MYO7A: variants seen among roughly 807,000 people sequenced by gnomAD.
MYO7A encodes unconventional myosin-VIIa.
A neutral mutation model predicts 263.8 loss-of-function variants in MYO7A; 210 were observed. The ratio of observed to expected loss-of-function variants is 0.80; its 90% CI spans 0.71 to 0.89. MYO7A has a LOEUF of 0.89. Among genes scored for constraint, MYO7A ranks in the 40% least tolerant of loss-of-function variants. The pLI, the probability that MYO7A is intolerant of heterozygous loss-of-function variation, is 0.00. For missense variants in MYO7A, 2,820 were observed against 2,968.3 expected (o/e 0.95, Z 1.16); for synonymous variants, 1,239 against 1,197.3 (o/e 1.03, Z -0.72).
chr11:77,202,951 T>G, intron 37 of MYO7A, 109 bp from the exon 38 acceptor site: 1 of 1,369,662 alleles, frequency 7.3e-7, no homozygotes, highest in Non-Finnish European at 9.7e-7. Flanking sequence ...GTGCCCACTC[T>G]CAGCCTCTGG....
chr11:77,162,318 C>A lies in MYO7A; in HGVS notation c.1542C>A (p.Ser514Arg). 1 of 1,551,644 alleles carries A rather than the reference C, an allele frequency of 6.4e-7. No homozygotes were observed. The highest frequency in any genetic ancestry group is 8.7e-7 in the Non-Finnish European group (1 of 1,147,032). ...TCATCTCCCTCATCGATGAGGAGAG[C>A]AAGTTCCCCAAGGTGGGCCGGTCCT... is the stretch of plus-strand genomic sequence containing the variant. The part of the protein sequence containing the change: ...MNIISLIDEE[S>R]KFPKGTDTTM... Residue 514 changes from serine to arginine, a missense_variant, in exon 13 of 49, where the codon AGC becomes AGA. Coordinates refer to ENST00000409709, the MANE Select transcript of MYO7A (RefSeq NM_000260.4).
chr11:77,175,615 CCT>C (rs1954583521), intron 18 of MYO7A, among the ~76,000 whole-genome samples, 151 bp downstream of exon 18: 1 of 152,122 alleles, frequency 6.6e-6, no homozygotes, highest in African/African-American at 2.4e-5. Context: ...TGGGATCTGG[CCT>C]CTCTGGTGGG....
chr11:77,173,489 C>T (rs1333074291), intron 16 of MYO7A, among the ~76,000 whole-genome samples: 3 of 152,206 alleles, frequency 2.0e-5, no homozygotes, highest in Admixed American at 6.5e-5. Flanking sequence ...TCAAACAGCC[C>T]GTGAGAAAGG....
At chr11:77,202,135 C>A (rs1175666506) in intron 36 of MYO7A, among the ~76,000 whole-genome samples, 165 bp from the exon 37 acceptor site, 2 of 152,128 alleles carry the variant, frequency 1.3e-5, no homozygotes, top group African/African-American at 4.8e-5. Flanking sequence ...CAGCAGGGAC[C>A]TCAGAGACCC....
chr11:77,196,020 G>A (rs1024176949), intron 32 of MYO7A, among the ~76,000 whole-genome samples: 1 of 152,186 alleles, frequency 6.6e-6, no homozygotes, highest in Non-Finnish European at 1.5e-5. Context: ...AAAAGGGCAC[G>A]GGACATATTG....
intron 44 of MYO7A, among the ~76,000 whole-genome samples, chr11:77,210,088 C>G (rs1957761487): frequency 6.6e-6 from 1 of 152,232 alleles, no homozygotes; most frequent in Non-Finnish European, 1.5e-5. Context: ...GTCCTCAAGC[C>G]TAGATTAGGT....
chr11:77,179,732 C>T lies in MYO7A; in HGVS notation c.2368-3C>T, dbSNP rs1242609738. The T allele has an allele frequency of 2.6e-6, 4 of 1,531,726 alleles. No individual in the cohort carries two copies. Among genetic ancestry groups the T allele is most frequent in the East Asian group, 2.5e-5 (1 of 40,680 alleles). 94.9% of individuals were successfully genotyped at this position (1,531,726 alleles called of 1,614,324 possible). A position where few individuals can be genotyped will look rare whatever the true frequency, so the allele number is the denominator to read the frequency against. On this transcript the variant is annotated splice_polypyrimidine_tract_variant and splice_region_variant and intron_variant, in intron 20 of 48. Coordinates refer to ENST00000409709, the MANE Select transcript of MYO7A (RefSeq NM_000260.4). ...TCTGAGCATGGGGTGGCTGTCCTTG[C>T]AGATGCGTCTGGGCTTCCTGCGGCT...
In MYO7A at chr11:77,214,947, C is replaced by T; in HGVS notation, c.*251C>T. ...TCTAATCCTAGTTTGCTGTGGCCTT[C>T]CCGGTTGTGAGAGCCTGTGATCCTT... is the stretch of plus-strand genomic sequence containing the variant. On this transcript the variant is annotated 3_prime_UTR_variant, in exon 49 of 49. Coordinates refer to ENST00000409709, the MANE Select transcript of MYO7A (RefSeq NM_000260.4). The T allele has an allele frequency of 2.1e-6, 1 of 482,728 alleles. No homozygotes were observed. Among genetic ancestry groups the T allele is most frequent in the South Asian group, 3.0e-5 (1 of 33,648 alleles). 29.9% of individuals were successfully genotyped at this position (482,728 alleles called of 1,614,324 possible).
At chr11:77,180,511 T>A (rs375064271) in intron 22 of MYO7A, 30 bp downstream of exon 22, 42 of 1,587,490 alleles carry the variant, frequency 2.6e-5, no homozygotes, top group South Asian at 3.4e-5. Context: ...GCACCTTAGG[T>A]GTCCACTTGC....
intron 2 of MYO7A, among the ~76,000 whole-genome samples, chr11:77,140,181 T>A (rs1373150275): frequency 1.3e-5 from 2 of 152,210 alleles, no homozygotes; most frequent in African/African-American, 4.8e-5. Flanking sequence ...ACATTTTCTG[T>A]GTGCCAGGCC....
chr11:77,179,162 C>A, intron 20 of MYO7A, 33 bp downstream of exon 20: 5 of 1,555,006 alleles, frequency 3.2e-6, no homozygotes, highest in Non-Finnish European at 4.4e-6. Context: ...CTTGCCCAAA[C>A]AGGCCTTTGA....
chr11:77,163,859 T>C (rs1953259585), intron 14 of MYO7A, among the ~76,000 whole-genome samples: 1 of 152,226 alleles, frequency 6.6e-6, no homozygotes, highest in South Asian at 2.1e-4. Context: ...CTTTTGACTT[T>C]TGTGAATAGT....
At chr11:77,162,795 A>G (rs1409393938) in intron 13 of MYO7A, 58 bp from the exon 14 acceptor site, 1 of 1,582,048 alleles carries the variant, frequency 6.3e-7, no homozygotes, top group Non-Finnish European at 8.6e-7. Flanking sequence ...ATGGGCAGGG[A>G]GGGGAGTGGG....
chr11:77,179,787 A>C lies in MYO7A; in HGVS notation c.2420A>C (p.His807Pro), dbSNP rs782585520. 5.2e-6 allele frequency: 8 copies of C among 1,550,564 alleles called. No individual in the cohort carries two copies. The Admixed American group carries it at 1.5e-4, about 30-fold the overall frequency. ...LQALHRSRKL[H>P]QQYRLARQRI... ...GCCCTGCACCGCTCCCGGAAGCTGC[A>C]CCAGCAGTACCGCCTGGCCCGCCAG... Residue 807 changes from histidine to proline, a missense_variant, in exon 21 of 49, where the codon CAC (histidine) becomes CCC (proline). Coordinates refer to ENST00000409709, the MANE Select transcript of MYO7A (RefSeq NM_000260.4).
intron 44 of MYO7A, among the ~76,000 whole-genome samples, chr11:77,210,081 C>T (rs1258886932): frequency 6.6e-6 from 1 of 152,230 alleles, no homozygotes; most frequent in Non-Finnish European, 1.5e-5. Context: ...CTGCCCTGTC[C>T]TCAAGCCTAG....
At chr11:77,153,456 G>T (rs540161428) in intron 4 of MYO7A, among the ~76,000 whole-genome samples, 33 of 152,268 alleles carry the variant, frequency 2.2e-4, no homozygotes, top group South Asian at 1.0e-3. Flanking sequence ...TGGGCTGTGG[G>T]CAGAGTGGAG....
Position 77,192,977 on chromosome 11 carries a change from G to GTTGT in MYO7A, c.4152+700_4152+703dup, listed in dbSNP as rs569589688. Among the ~76,000 whole-genome samples the GTTGT allele has an allele frequency of 1.8e-3, 37 of 21,102 alleles. 2 individuals carry two copies. Among genetic ancestry groups the GTTGT allele is most frequent in the South Asian group, 5.5e-3 (7 of 1,272 alleles). 13.8% of individuals were successfully genotyped at this position (21,102 alleles called of 152,430 possible). A position where few individuals can be genotyped will look rare whatever the true frequency, so the allele number is the denominator to read the frequency against. On this transcript the variant is annotated intron_variant, in intron 31 of 48. Transcript: ENST00000409709. ...GATGGTGTTGGTGATGGTGGAGGTA[G>GTTGT]TTGTGATGGTGGAGGTAGTGATGCT...
intron 27 of MYO7A, among the ~76,000 whole-genome samples, chr11:77,188,502 G>A (rs1446571455): frequency 2.6e-5 from 4 of 152,214 alleles, no homozygotes; most frequent in Non-Finnish European, 5.9e-5. Flanking sequence ...GCCATCCTTT[G>A]GGAGAGAAGA....
At chr11:77,140,576 G>T (rs58813375) in intron 2 of MYO7A, among the ~76,000 whole-genome samples, 2,185 of 152,320 alleles carry the variant, frequency 0.014, 50 homozygotes, top group African/African-American at 0.05. Flanking sequence ...GGGCTCTGGG[G>T]AGCCACAGAT....
Sources: gnomAD v4.1 joint callset for allele counts (sites outside exome capture counted in the v4.1 genomes callset) on GRCh38, gnomAD v4.1.1 for gene constraint, MANE v1.5 for transcripts, NCBI Gene and HGNC (gene_info 2026-07-23, HGNC 2026-07-21) for gene names.